The following GLRX3 variants were observed in gnomAD, a reference collection of about 807,000 sequenced individuals.
GLRX3 encodes the protein glutaredoxin 3.
Under a neutral mutation model 49.5 loss-of-function variants are expected in GLRX3, and 22 were observed. The observed-to-expected ratio is 0.44, with a 90% CI of 0.32 to 0.63. The LOEUF (loss-of-function observed/expected upper bound fraction) is 0.63. Among genes scored for constraint, GLRX3 ranks in the 30% least tolerant of loss-of-function variants. The probability of loss-of-function intolerance (pLI) is 0.05; values close to 1 mark genes in which losing one functional copy is unlikely to be tolerated. For synonymous variants in GLRX3, 133 were observed against 140.0 expected (o/e 0.95, Z 0.35); for missense variants, 385 against 396.3 (o/e 0.97, Z 0.24).
intron 8 of GLRX3, 53 bp from the exon 9 acceptor site, chr10:130,174,801 ATGCATAGAGGTTT>A (rs939923962): frequency 1.0e-6 from 1 of 976,778 alleles, no homozygotes; most frequent in African/African-American, 1.6e-5. Flanking sequence ...AAAACATCAA[ATGCATAGAGGTTT>A]TACACTTTGA....
At chr10:130,171,557 A>C in intron 7 of GLRX3, 27 bp from the exon 8 acceptor site, 1 of 1,342,290 alleles carries the variant, frequency 7.4e-7, no homozygotes, top group Non-Finnish European at 1.1e-6. Flanking sequence ...CAAAAATTGT[A>C]ATCTTTGCAA....
chr10:130,155,039 A>G (rs1024499033), intron 2 of GLRX3, among the ~76,000 whole-genome samples: 1 of 151,994 alleles, frequency 6.6e-6, no homozygotes, highest in African/African-American at 2.4e-5. Flanking sequence ...TGGTGTGATC[A>G]TAGCTCACTG....
At position 130,164,467 on chromosome 10, in the gene GLRX3, A is replaced by G. The variant is rs538059291; in HGVS notation, c.479-2040A>G. The stretch of plus-strand genomic sequence containing the variant: ...CTCTTACTTTTGAATCAGCCACAGA[A>G]TCAGGTTTCAGAGATGTTTTTTAGG... On this transcript the variant is annotated intron_variant, in intron 4 of 10. Transcript: ENST00000331244. Among the ~76,000 whole-genome samples the G allele has an allele frequency of 7.2e-5, 11 of 152,296 alleles. No individual in the cohort carries two copies. The South Asian group carries it at 1.0e-3, about 14-fold the overall frequency.
chr10:130,139,979 T>TA (rs1417314607), intron 1 of GLRX3, among the ~76,000 whole-genome samples: 2 of 152,232 alleles, frequency 1.3e-5, no homozygotes, highest in Admixed American at 1.3e-4. Flanking sequence ...GTAATAATTT[T>TA]AAATCTACTT....
At chr10:130,139,947 G>A (rs1163920485) in intron 1 of GLRX3, among the ~76,000 whole-genome samples, 3 of 152,012 alleles carry the variant, frequency 2.0e-5, no homozygotes, top group Non-Finnish European at 2.9e-5. Context: ...AAAAGTGCCC[G>A]AATTTTAGTA....
chr10:130,174,466 G>C (rs2134927663), intron 8 of GLRX3, among the ~76,000 whole-genome samples: 1 of 152,388 alleles, frequency 6.6e-6, no homozygotes, highest in South Asian at 2.1e-4. Flanking sequence ...TGTAAATAAA[G>C]TTATATTGGC....
intron 2 of GLRX3, among the ~76,000 whole-genome samples, chr10:130,152,062 C>T (rs2134887543): frequency 6.6e-6 from 1 of 152,084 alleles, no homozygotes; most frequent in South Asian, 2.1e-4. Context: ...ACTCTATTGC[C>T]CAGGCTGGAG....
At chr10:130,171,357 G>C (rs1413736726) in intron 7 of GLRX3, among the ~76,000 whole-genome samples, 1 of 152,104 alleles carries the variant, frequency 6.6e-6, no homozygotes, top group East Asian at 1.9e-4. Context: ...GTCATCTCAA[G>C]TGGTTACAAA....
intron 8 of GLRX3, 105 bp from the exon 9 acceptor site, chr10:130,174,762 G>A: frequency 2.7e-6 from 2 of 743,884 alleles, no homozygotes; most frequent in East Asian, 4.9e-5. Flanking sequence ...CATTTTGTTA[G>A]CAGTGAAACG....
At position 130,174,951 on chromosome 10, in the gene GLRX3, T is replaced by G. The variant is rs747246519; in HGVS notation, c.864+45T>G. The stretch of plus-strand genomic sequence containing the variant: ...TTTCACCCTTGTCTTAGCTTTAATC[T>G]TAAGGGCCTGATAGGATGGTTTCAG... On this transcript the variant is annotated intron_variant, in intron 9 of 10. Coordinates refer to ENST00000331244, the MANE Select transcript of GLRX3 (RefSeq NM_006541.5). The G allele has an allele frequency of 1.9e-6, 3 of 1,567,026 alleles. No homozygotes were observed. The South Asian group carries it at 3.3e-5, about 17-fold the overall frequency.
chr10:130,144,333 C>T (rs1416042751), intron 1 of GLRX3, among the ~76,000 whole-genome samples: 1 of 143,282 alleles, frequency 7.0e-6, no homozygotes, highest in African/African-American at 2.6e-5. Context: ...GATACATATG[C>T]AGAATGTGCA....
chr10:130,168,538 G>C (rs557750538), intron 6 of GLRX3, among the ~76,000 whole-genome samples: 1 of 152,172 alleles, frequency 6.6e-6, no homozygotes. Flanking sequence ...TCCGCCTCCC[G>C]GGTTCACACC....
intron 1 of GLRX3, among the ~76,000 whole-genome samples, chr10:130,139,735 T>A (rs1297569287): frequency 6.7e-6 from 1 of 150,068 alleles, no homozygotes; most frequent in Non-Finnish European, 1.5e-5. Context: ...AGTTTGAGAG[T>A]AGCTTGAACA....
chr10:130,139,173 A>C (rs1386317288), intron 1 of GLRX3, among the ~76,000 whole-genome samples: 2 of 151,752 alleles, frequency 1.3e-5, no homozygotes, highest in African/African-American at 4.8e-5. Flanking sequence ...TAAAAGTTTA[A>C]ATGTAAGTAC....
chr10:130,136,412 G>GGCGGCAGCATGGCGGCGGGGGCGGCT lies in GLRX3; in HGVS notation c.-7_19dup. On this transcript the variant is annotated 5_prime_UTR_variant, in exon 1 of 11. In the 5' UTR this introduces an upstream ATG that the reference lacks. Transcript: ENST00000331244. ...CGGCACTGGATTGCTTCTGTCTGGC[G>GGCGGCAGCATGGCGGCGGGGGCGGCT]GCGGCAGCATGGCGGCGGGGGCGGC... 1 of 1,252,572 alleles carries GGCGGCAGCATGGCGGCGGGGGCGGCT rather than the reference G, an allele frequency of 8.0e-7. No individual in the cohort carries two copies. 77.6% of individuals were successfully genotyped at this position (1,252,572 alleles called of 1,614,324 possible).
intron 2 of GLRX3, among the ~76,000 whole-genome samples, chr10:130,157,196 C>G (rs1862486697): frequency 6.6e-6 from 1 of 152,054 alleles, no homozygotes. Flanking sequence ...ACTAGGGAAG[C>G]TGGTGGCATA....
intron 2 of GLRX3, among the ~76,000 whole-genome samples, chr10:130,147,848 C>T (rs1257647446): frequency 6.6e-6 from 1 of 152,058 alleles, no homozygotes; most frequent in East Asian, 1.9e-4. Context: ...TCAAAACCAG[C>T]CTGATGCACA....
chr10:130,161,466 C>T (rs1862575393), intron 4 of GLRX3, among the ~76,000 whole-genome samples: 1 of 152,078 alleles, frequency 6.6e-6, no homozygotes, highest in South Asian at 2.1e-4. Context: ...TTTTTGTGTC[C>T]AGCCTGTGTG....
rs143483437 is a variant in GLRX3, at chr10:130,154,231, C to T, written c.202-5764C>T. Among the ~76,000 whole-genome samples, 810 of 152,344 alleles carry T rather than the reference C, an allele frequency of 5.3e-3. 2 individuals are homozygous for T. Among genetic ancestry groups the T allele is most frequent in the African/African-American group, 0.018 (766 of 41,584 alleles). On this transcript the variant is annotated intron_variant, in intron 2 of 10. Transcript: ENST00000331244. ...CAGAAGTGTACCATTCCTTCAGGTA[C>T]AATCACTCATGGCTTCCCTTGGCTA...
Sources: allele counts gnomAD v4.1 joint callset (sites outside exome capture counted in the v4.1 genomes callset), GRCh38; gene constraint gnomAD v4.1.1; transcripts MANE v1.5; gene names NCBI Gene and HGNC (gene_info 2026-07-23, HGNC 2026-07-21).